DLGAP1: variants seen among roughly 807,000 people sequenced by gnomAD.
The protein encoded by DLGAP1 is disks large-associated protein 1.
A neutral mutation model predicts 90.8 loss-of-function variants in DLGAP1; 11 were observed. The ratio of observed to expected loss-of-function variants is 0.12; its 90% CI spans 0.08 to 0.20. The LOEUF is 0.20. Among genes scored for constraint, DLGAP1 ranks in the 10% least tolerant of loss-of-function variants. DLGAP1 has a pLI of 1.00. For synonymous variants in DLGAP1, 558 were observed against 540.7 expected, an observed-to-expected ratio of 1.03 and a Z score of -0.44; for missense variants, 1,050 against 1,333.8, an observed-to-expected ratio of 0.79 and a Z score of 3.31.
In DLGAP1 at chr18:3,653,580, C is replaced by G. The variant is rs1329114998; in HGVS notation, c.1592-71332G>C. On this transcript the variant is annotated intron_variant, in intron 7 of 12. Transcript: ENST00000315677. This position sits in a 1 kb window ranked among gnomAD's most constrained non-coding sequence, Gnocchi z 4.6. ...AGTGCGGAAGAGGGCACCCCTGCTCCAGAAAAGAAGAAACAAAACTGCCTG... is the reference window on the plus strand; with the variant it reads ...AGTGCGGAAGAGGGCACCCCTGCTCGAGAAAAGAAGAAACAAAACTGCCTG... 6.6e-6 allele frequency: 1 copy of G among 152,142 alleles called. No homozygotes were observed. Among genetic ancestry groups the G allele is most frequent in the Non-Finnish European group, 1.5e-5 (1 of 68,028 alleles). 9.4% of individuals were successfully genotyped at this position (152,142 alleles called of 1,614,324 possible).
chr18:3,674,296 A>AAT (rs1555623973), intron 7 of DLGAP1, among the ~76,000 whole-genome samples: 1,353 of 128,992 alleles, frequency 0.01, 43 homozygotes, highest in African/African-American at 0.037. Context: ...ATAATATTAA[A>AAT]ATATATATAT....
At position 4,225,510 on chromosome 18, in the gene DLGAP1, G is replaced by C. The variant is rs112396457; in HGVS notation, c.-266-74223C>G. Reference sequence around the variant, plus strand: ...ACAGAGATATAGGACCTTTCAGATAGAGAATTTAAAATAGCTTTTTTGAGG... The same window carrying C: ...ACAGAGATATAGGACCTTTCAGATACAGAATTTAAAATAGCTTTTTTGAGG... On this transcript the variant is annotated intron_variant, in intron 1 of 12. Coordinates refer to ENST00000315677, the MANE Select transcript of DLGAP1 (RefSeq NM_004746.4). Among the ~76,000 whole-genome samples the C allele has an allele frequency of 4.6e-3, 701 of 152,200 alleles. 5 individuals carry two copies. Among genetic ancestry groups the C allele is most frequent in the African/African-American group, 0.015 (642 of 41,524 alleles).
intron 4 of DLGAP1, among the ~76,000 whole-genome samples, chr18:3,860,705 T>A (rs547140121): frequency 6.6e-6 from 1 of 152,320 alleles, no homozygotes; most frequent in Non-Finnish European, 1.5e-5. Flanking sequence ...CCTGGTGTCA[T>A]GCCCTTGAAT....
At chr18:3,563,129 G>C (rs2054237764) in intron 9 of DLGAP1, among the ~76,000 whole-genome samples, 1 of 152,044 alleles carries the variant, frequency 6.6e-6, no homozygotes, top group East Asian at 1.9e-4. Flanking sequence ...ACCCGGCCTA[G>C]TTCTTATCTT....
chr18:3,810,782 CTCTT>C (rs2066793476), intron 5 of DLGAP1, among the ~76,000 whole-genome samples: 1 of 151,862 alleles, frequency 6.6e-6, no homozygotes, highest in Non-Finnish European at 1.5e-5. Context: ...TCTTTTGTAT[CTCTT>C]TCAATCTGGT....
At chr18:3,518,254 G>A (rs959576899) in intron 10 of DLGAP1, among the ~76,000 whole-genome samples, 1 of 152,148 alleles carries the variant, frequency 6.6e-6, no homozygotes, top group African/African-American at 2.4e-5. Context: ...ATGGCAGGTC[G>A]GTGGAGCAGT....
chr18:4,048,952 C>T (rs911199278), intron 2 of DLGAP1, among the ~76,000 whole-genome samples: 2 of 152,128 alleles, frequency 1.3e-5, no homozygotes, highest in Non-Finnish European at 2.9e-5. Flanking sequence ...TGAGGCTGGG[C>T]ACAGTGGTGC....
At chr18:3,959,793 T>G (rs2073161866) in intron 3 of DLGAP1, among the ~76,000 whole-genome samples, 1 of 152,192 alleles carries the variant, frequency 6.6e-6, no homozygotes, top group African/African-American at 2.4e-5. Flanking sequence ...TACTAATATA[T>G]TTTATGTAAC....
chr18:3,508,474 G>T, intron 11 of DLGAP1, 96 bp downstream of exon 11: 2 of 745,458 alleles, frequency 2.7e-6, no homozygotes, highest in Non-Finnish European at 4.1e-6. Flanking sequence ...ACCTTGACTT[G>T]GTTCAAAATC....
At chr18:3,690,094 GTTTTTTTTTTTTTTT>G (rs77999372) in intron 7 of DLGAP1, among the ~76,000 whole-genome samples, 1 of 116,880 alleles carries the variant, frequency 8.6e-6, no homozygotes, top group South Asian at 2.6e-4. Flanking sequence ...GCTGGGTGAG[GTTTTTTTTTTTTTTT>G]TTTTTTTTTG....
chr18:3,834,495 A>G (rs965933647), intron 4 of DLGAP1, among the ~76,000 whole-genome samples: 3 of 152,194 alleles, frequency 2.0e-5, no homozygotes, highest in Admixed American at 6.6e-5. Context: ...ATTTGATTCA[A>G]TCCTGTGTTC....
In DLGAP1 at chr18:4,098,739, T is replaced by C. The variant is rs376900373; in HGVS notation, c.-159+52441A>G. Among the ~76,000 whole-genome samples, 507 of 152,320 alleles carry C rather than the reference T, an allele frequency of 3.3e-3. 10 individuals carry two copies. In the South Asian group the frequency reaches 0.041, roughly 12 times the overall value. Reference sequence around the variant, plus strand: ...TGCAATTTTAAGTGCACTGAGATTGTAGAAAGGTAAAATGTTCAGGTATAA... The same window carrying C: ...TGCAATTTTAAGTGCACTGAGATTGCAGAAAGGTAAAATGTTCAGGTATAA... On this transcript the variant is annotated intron_variant, in intron 2 of 12. Transcript: ENST00000315677.
intron 5 of DLGAP1, among the ~76,000 whole-genome samples, chr18:3,802,440 C>T (rs1439771945): frequency 6.6e-6 from 1 of 152,184 alleles, no homozygotes; most frequent in African/African-American, 2.4e-5. Flanking sequence ...AAGATGGCTT[C>T]CCATTTTTAA....
At chr18:3,821,886 A>G (rs2067439475) in intron 4 of DLGAP1, 3 of 984,364 alleles carry the variant, frequency 3.0e-6, no homozygotes, top group South Asian at 4.7e-5. Context: ...CAGATTCCCT[A>G]CTCACTCGAT....
intron 1 of DLGAP1, among the ~76,000 whole-genome samples, chr18:4,417,155 G>A (rs983400507): frequency 2.0e-5 from 3 of 152,050 alleles, no homozygotes; most frequent in Non-Finnish European, 4.4e-5. Flanking sequence ...ATTTTCCAGA[G>A]GTTTTATGAT....
At chr18:3,579,908 C>T (rs1371757963) in intron 8 of DLGAP1, among the ~76,000 whole-genome samples, 1 of 152,192 alleles carries the variant, frequency 6.6e-6, no homozygotes, top group African/African-American at 2.4e-5. Context: ...TTCACTCCCA[C>T]ATCTATGGGA....
At chr18:4,220,571 G>A (rs974995819) in intron 1 of DLGAP1, among the ~76,000 whole-genome samples, 1 of 152,044 alleles carries the variant, frequency 6.6e-6, no homozygotes, top group Non-Finnish European at 1.5e-5. Flanking sequence ...ACTCTCTCTA[G>A]TTTCTCCCAT....
intron 2 of DLGAP1, among the ~76,000 whole-genome samples, chr18:4,071,488 C>T (rs556318566): frequency 8.5e-6 from 1 of 117,542 alleles, no homozygotes; most frequent in South Asian, 2.8e-4. Flanking sequence ...GCACAACTAA[C>T]CAAATCTCCG....
chr18:3,647,990 A>C (rs2059179873), intron 7 of DLGAP1, among the ~76,000 whole-genome samples: 1 of 152,208 alleles, frequency 6.6e-6, no homozygotes, highest in African/African-American at 2.4e-5. Flanking sequence ...GGCATGTATA[A>C]AATCAACAAT....
Sources: allele counts gnomAD v4.1 joint callset (sites outside exome capture counted in the v4.1 genomes callset), GRCh38; gene constraint gnomAD v4.1.1; non-coding constraint Gnocchi (gnomAD v3.1); transcripts MANE v1.5; gene names NCBI Gene and HGNC (gene_info 2026-07-23, HGNC 2026-07-21).